ACACB: variants seen among roughly 807,000 people sequenced by gnomAD.
The protein encoded by ACACB is acetyl-CoA carboxylase 2.
Under a neutral mutation model 278.8 loss-of-function variants are expected in ACACB, and 209 were observed. That is an observed-to-expected ratio of 0.75 (90% CI 0.67 to 0.84). The LOEUF is 0.84. ACACB is among the 40% of genes least tolerant of loss of function. The probability of loss-of-function intolerance (pLI) is 0.00; values close to 1 mark genes in which losing one functional copy is unlikely to be tolerated. For missense variants in ACACB, 2,850 were observed against 3,269.0 expected (o/e 0.87, Z 3.13); for synonymous variants, 1,174 against 1,285.6 (o/e 0.91, Z 1.86).
At chr12:109,155,726 G>T (rs111487114) in intron 2 of ACACB, among the ~76,000 whole-genome samples, 1 of 151,756 alleles carries the variant, frequency 6.6e-6, no homozygotes, top group Non-Finnish European at 1.5e-5. Flanking sequence ...CCTGTTTTGG[G>T]ATGGCCTGCA....
intron 27 of ACACB, among the ~76,000 whole-genome samples, chr12:109,226,386 C>T (rs2046312125): frequency 6.6e-6 from 1 of 151,800 alleles, no homozygotes; most frequent in South Asian, 2.1e-4. Flanking sequence ...ATTTGGCCCA[C>T]CACCTGTTTC....
intron 6 of ACACB, 36 bp from the exon 7 acceptor site, chr12:109,174,096 C>A (rs7300608): frequency 1.5e-5 from 23 of 1,568,576 alleles, no homozygotes; most frequent in Non-Finnish European, 1.9e-5. Context: ...TGTGACTGAC[C>A]GGATTCTGCT....
intron 19 of ACACB, among the ~76,000 whole-genome samples, chr12:109,204,379 A>G (rs1459640897): frequency 6.7e-6 from 1 of 149,938 alleles, no homozygotes; most frequent in Non-Finnish European, 1.5e-5. Flanking sequence ...GGTTCAAGCA[A>G]TTCTCGTGCC....
intron 28 of ACACB, among the ~76,000 whole-genome samples, chr12:109,232,423 T>A (rs2046499241): frequency 6.6e-6 from 1 of 152,218 alleles, no homozygotes; most frequent in African/African-American, 2.4e-5. Context: ...GAGACTGGAC[T>A]CTCATGCATG....
intron 11 of ACACB, among the ~76,000 whole-genome samples, chr12:109,181,352 C>T (rs1044419760): frequency 6.6e-6 from 1 of 151,832 alleles, no homozygotes; most frequent in African/African-American, 2.4e-5. Flanking sequence ...CTCAGCCTCC[C>T]TAGTAGTTGG....
At chr12:109,112,681 T>A (rs1593332500), upstream of ACACB, among the ~76,000 whole-genome samples, 2 of 84,548 alleles carry the variant, frequency 2.4e-5, no homozygotes, top group Non-Finnish European at 2.1e-5. Flanking sequence ...AGAGCAAAAC[T>A]CCGTCTCAAA....
At chr12:109,252,265 T>TATTGTA (rs1339069703) in intron 42 of ACACB, 109 bp downstream of exon 42, 1 of 697,294 alleles carries the variant, frequency 1.4e-6, no homozygotes, top group Non-Finnish European at 2.3e-6. Context: ...GCCAGTTTCA[T>TATTGTA]TCCTACTGAT....
chr12:109,222,881 A>C lies in ACACB; in HGVS notation c.3761A>C (p.Tyr1254Ser). 2 of 1,613,082 alleles carry C rather than the reference A, an allele frequency of 1.2e-6. No individual in the cohort carries two copies. Among genetic ancestry groups the C allele is most frequent in the Non-Finnish European group, 1.7e-6 (2 of 1,179,682 alleles). The change falls in exon 26 of 53, where the codon TAC (tyrosine) becomes TCC (serine). Residue 1254 changes from tyrosine (Y) to serine (S), a missense_variant. Physicochemically the swap from Tyr to Ser is moderately radical, Grantham distance 144. This residue lies in a region of ACACB where 2,265 missense variants were observed against 2,561.3 expected (regional missense o/e 0.88). Transcript: ENST00000338432. ...ESIFLSAIDM[Y>S]GHQFCPENLK... ...ATTTTCCTGTCTGCCATTGACATGT[A>C]CGGCCACCAGTTCTGCCCCGAGAAC...
chr12:109,265,630 G>C (rs1347537924), intron 52 of ACACB, 105 bp downstream of exon 52: 2 of 1,416,104 alleles, frequency 1.4e-6, no homozygotes, highest in African/African-American at 1.4e-5. Flanking sequence ...CCGCCACCCT[G>C]TGCAGTCTGG....
chr12:109,237,478 G>A, intron 34 of ACACB, 98 bp downstream of exon 34: 1 of 1,282,134 alleles, frequency 7.8e-7, no homozygotes, highest in Non-Finnish European at 1.1e-6. Flanking sequence ...TGCTGGGGAT[G>A]GAGAGTACAC....
At chr12:109,158,839 G>T (rs1182368064) in intron 2 of ACACB, among the ~76,000 whole-genome samples, 1 of 152,162 alleles carries the variant, frequency 6.6e-6, no homozygotes, top group Non-Finnish European at 1.5e-5. Flanking sequence ...GCAGAGCGTG[G>T]TAGCACACAT....
intron 8 of ACACB, 22 bp from the exon 9 acceptor site, chr12:109,176,131 T>C: frequency 6.2e-7 from 1 of 1,613,590 alleles, no homozygotes; most frequent in Non-Finnish European, 8.5e-7. Context: ...TCTAAAGAGG[T>C]CTGTTTGTCC....
chr12:109,176,186 A>G lies in ACACB; in HGVS notation c.1360A>G (p.Lys454Glu), dbSNP rs1162438692. Residue 454 changes from lysine to glutamate, a missense_variant, in exon 9 of 53, where the codon AAA becomes GAA. This residue lies in a region of ACACB where 2,265 missense variants were observed against 2,561.3 expected (regional missense o/e 0.88). Coordinates refer to ENST00000338432, the MANE Select transcript of ACACB (RefSeq NM_001093.4). ...AAGAATTGGTTTTCCATTGATGATC[A>G]AAGCTTCTGAAGGTGGCGGAGGGAA... ...AERIGFPLMI[K>E]ASEGGGGKGI... 6.2e-7 allele frequency: 1 copy of G among 1,614,078 alleles called. No individual in the cohort carries two copies. Among genetic ancestry groups the G allele is most frequent in the East Asian group, 2.2e-5 (1 of 44,888 alleles).
intron 15 of ACACB, among the ~76,000 whole-genome samples, chr12:109,193,298 A>G (rs1466167357): frequency 6.7e-6 from 1 of 149,428 alleles, no homozygotes; most frequent in Non-Finnish European, 1.5e-5. Context: ...GCTCACTGCA[A>G]CCTCCGCCTC....
intron 19 of ACACB, among the ~76,000 whole-genome samples, chr12:109,205,390 G>C (rs1468584504): frequency 6.6e-6 from 1 of 152,148 alleles, no homozygotes; most frequent in Non-Finnish European, 1.5e-5. Context: ...CCTTGGCCCT[G>C]GGCTGTGGGG....
intron 3 of ACACB, among the ~76,000 whole-genome samples, chr12:109,167,640 T>C (rs1377611844): frequency 7.5e-6 from 1 of 133,718 alleles, no homozygotes; most frequent in African/African-American, 2.9e-5. Flanking sequence ...TATATATATA[T>C]ATATATATAT....
chr12:109,181,550 A>G (rs150710811), intron 11 of ACACB, among the ~76,000 whole-genome samples: 3,222 of 152,028 alleles, frequency 0.021, 58 homozygotes, highest in South Asian at 0.046. Context: ...TCTTTATCCA[A>G]TCATCTGTTG....
intron 6 of ACACB, among the ~76,000 whole-genome samples, chr12:109,173,789 T>C (rs939065152): frequency 6.6e-6 from 1 of 152,226 alleles, no homozygotes; most frequent in African/African-American, 2.4e-5. Flanking sequence ...AGAAAGAGTT[T>C]GCTAACCTAT....
intron 2 of ACACB, among the ~76,000 whole-genome samples, chr12:109,158,832 G>A (rs1006002011): frequency 6.6e-6 from 1 of 152,108 alleles, no homozygotes; most frequent in Admixed American, 6.6e-5. Flanking sequence ...AAAATTAGCA[G>A]AGCGTGGTAG....
Sources: gnomAD v4.1 joint callset for allele counts (sites outside exome capture counted in the v4.1 genomes callset) on GRCh38, gnomAD v4.1.1 for gene constraint, gnomAD v4.1.1 regional missense constraint, MANE v1.5 for transcripts, NCBI Gene and HGNC (gene_info 2026-07-23, HGNC 2026-07-21) for gene names.